Variants in SETD2 observed in about 807,000 individuals in gnomAD.
SETD2 encodes the protein histone-lysine N-methyltransferase SETD2.
A neutral mutation model predicts 242.1 loss-of-function variants in SETD2; 31 were observed. The observed-to-expected ratio is 0.13, with a 90% CI of 0.10 to 0.17. The LOEUF (loss-of-function observed/expected upper bound fraction) is 0.17. Among genes scored for constraint, SETD2 ranks in the 10% least tolerant of loss-of-function variants. SETD2 has a pLI of 1.00. For synonymous variants in SETD2, 1,006 were observed against 1,066.5 expected, an observed-to-expected ratio of 0.94 and a Z score of 1.11; for missense variants, 2,481 against 3,046.3, an observed-to-expected ratio of 0.81 and a Z score of 4.37.
At chr3:47,151,827 CA>C (rs11360089) in intron 1 of SETD2, among the ~76,000 whole-genome samples, 60,380 of 100,012 alleles carry the variant, frequency 0.6, 14,693 homozygotes, top group African/African-American at 0.66. Context: ...ACTCTTGTCT[CA>C]AAAAAAAAAA....
chr3:47,017,312 G>T lies in SETD2; in HGVS notation c.7534-58C>A. Reference sequence around the variant, plus strand: ...ACCAATCAGAGCAGAAATTATATGAGGGGGAGGACAGGGGTGGTAATCCAG... The same window carrying T: ...ACCAATCAGAGCAGAAATTATATGATGGGGAGGACAGGGGTGGTAATCCAG... On this transcript the variant is annotated intron_variant, in intron 20 of 20. Transcript: ENST00000409792. This position sits in a 1 kb window ranked among gnomAD's most constrained non-coding sequence, Gnocchi z 4.8. 2 of 1,586,554 alleles carry T rather than the reference G, an allele frequency of 1.3e-6. No homozygotes were observed. Among genetic ancestry groups the T allele is most frequent in the South Asian group, 1.1e-5 (1 of 89,338 alleles).
intron 12 of SETD2, among the ~76,000 whole-genome samples, chr3:47,073,490 T>C (rs940612514): frequency 6.6e-6 from 1 of 152,090 alleles, no homozygotes; most frequent in African/African-American, 2.4e-5. Flanking sequence ...ATACTATACA[T>C]GTCTGGAGGG....
chr3:47,127,445 A>G, intron 1 of SETD2: 2 of 270,956 alleles, frequency 7.4e-6, no homozygotes, highest in South Asian at 3.0e-5. Context: ...ACATAAAATA[A>G]GGCTGGGTGT....
In SETD2 at chr3:47,163,992, G is replaced by C. The variant is rs1398810277; in HGVS notation, c.-68C>G. On this transcript the variant is annotated 5_prime_UTR_variant, in exon 1 of 21. Coordinates refer to ENST00000409792, the MANE Select transcript of SETD2 (RefSeq NM_014159.7). Reference sequence around the variant, plus strand: ...CAGGGCGACGCGGGGGAGGGGAGGGGAGGAGGCCGCAGGTCCGACCGCGGC... The same window carrying C: ...CAGGGCGACGCGGGGGAGGGGAGGGCAGGAGGCCGCAGGTCCGACCGCGGC... 2 of 1,243,704 alleles carry C rather than the reference G, an allele frequency of 1.6e-6. No homozygotes were observed. The highest frequency in any genetic ancestry group is 2.0e-6 in the Non-Finnish European group (2 of 988,454). The allele number at this position is 1,243,704 out of a possible 1,614,324, so 77.0% of individuals were successfully genotyped here.
At chr3:47,099,427 T>G (rs1042643624) in intron 8 of SETD2, among the ~76,000 whole-genome samples, 1 of 152,214 alleles carries the variant, frequency 6.6e-6, no homozygotes, top group Admixed American at 6.5e-5. Context: ...GTATCTTGCA[T>G]AGGTCACTGG....
chr3:47,144,050 C>A (rs1235182409), intron 1 of SETD2, among the ~76,000 whole-genome samples: 1 of 152,170 alleles, frequency 6.6e-6, no homozygotes, highest in Non-Finnish European at 1.5e-5. Flanking sequence ...TGTCCCACAG[C>A]TCTAGCTGTC....
At chr3:47,112,494 C>G (rs1348112771) in intron 5 of SETD2, among the ~76,000 whole-genome samples, 3 of 152,154 alleles carry the variant, frequency 2.0e-5, no homozygotes, top group Non-Finnish European at 2.9e-5. Flanking sequence ...ATTGGCCAGG[C>G]TGGTCTTGAA....
At chr3:47,088,771 A>C (rs2041673666) in intron 9 of SETD2, among the ~76,000 whole-genome samples, 1 of 152,232 alleles carries the variant, frequency 6.6e-6, no homozygotes, top group African/African-American at 2.4e-5. Context: ...TCAGAAAAAA[A>C]TAAAGCATTA....
At chr3:47,102,577 G>A (rs1482864075) in intron 7 of SETD2, among the ~76,000 whole-genome samples, 1 of 152,116 alleles carries the variant, frequency 6.6e-6, no homozygotes, top group African/African-American at 2.4e-5. Context: ...GATCGCTTGA[G>A]GCCAGGAGTT....
intron 1 of SETD2, among the ~76,000 whole-genome samples, chr3:47,152,314 T>G (rs1023481589): frequency 2.6e-5 from 4 of 152,226 alleles, no homozygotes; most frequent in Non-Finnish European, 4.4e-5. Context: ...TAGCTTATGT[T>G]TTAGAGTTGA....
rs1027719770 is a variant in SETD2 at position 47,046,908 on chromosome 3, A to G, written c.6964-287T>C. The G allele has an allele frequency of 2.1e-5, 4 of 192,952 alleles. No individual in the cohort carries two copies. In the South Asian group the frequency reaches 5.2e-4, roughly 25 times the overall value. 12.0% of individuals were successfully genotyped at this position (192,952 alleles called of 1,614,324 possible). The stretch of plus-strand genomic sequence containing the variant: ...TTCTCCAACTGTTTAGCTTTCAATG[A>G]CATTGGAATGACATTGAAAATTAAA... On this transcript the variant is annotated intron_variant, in intron 15 of 20. Transcript: ENST00000409792.
At chr3:47,134,551 T>G (rs897445609) in intron 1 of SETD2, among the ~76,000 whole-genome samples, 4 of 151,896 alleles carry the variant, frequency 2.6e-5, no homozygotes, top group African/African-American at 9.7e-5. Context: ...CTACCAAGAG[T>G]GAGCTGGGCT....
At chr3:47,125,313 T>C (rs1043891143) in intron 2 of SETD2, among the ~76,000 whole-genome samples, 2 of 142,480 alleles carry the variant, frequency 1.4e-5, no homozygotes, top group African/African-American at 5.4e-5. Context: ...AGCGAGCCTC[T>C]GTCTCAAAAA....
At chr3:47,117,281 C>CAAAA (rs71615400) in intron 3 of SETD2, among the ~76,000 whole-genome samples, 5 of 53,574 alleles carry the variant, frequency 9.3e-5, no homozygotes, top group South Asian at 6.0e-4. Flanking sequence ...AAAAAAAAAA[C>CAAAA]AAACAAAAAA....
At chr3:47,102,197 CAT>C (rs759886212) in intron 7 of SETD2, among the ~76,000 whole-genome samples, 5 of 152,282 alleles carry the variant, frequency 3.3e-5, no homozygotes, top group African/African-American at 4.8e-5. Context: ...ACAATTTGCA[CAT>C]GTTACTAATG....
intron 5 of SETD2, among the ~76,000 whole-genome samples, chr3:47,112,890 A>C (rs1014826427): frequency 1.3e-5 from 2 of 152,072 alleles, no homozygotes; most frequent in Admixed American, 1.3e-4. Context: ...ATGCCCGGCC[A>C]AGAATACTTT....
intron 15 of SETD2, among the ~76,000 whole-genome samples, chr3:47,049,328 TA>T (rs1351908233): frequency 2.0e-4 from 4 of 20,282 alleles, no homozygotes; most frequent in African/African-American, 1.3e-3. Flanking sequence ...TATATATATA[TA>T]TATATATATA....
rs767535546 is a variant in SETD2, at chr3:47,121,930, C to G, written c.2706G>C (p.Glu902Asp). 3.1e-6 allele frequency: 5 copies of G among 1,613,764 alleles called. No individual in the cohort carries two copies. Among genetic ancestry groups the G allele is most frequent in the Non-Finnish European group, 3.4e-6 (4 of 1,179,928 alleles). ...VDSLTLLKCGENTSPVLDAVL... is the reference protein window; with the variant it reads ...VDSLTLLKCGDNTSPVLDAVL... ...CTGCATCCAGAACTGGAGATGTGTTCTCTCCGCATTTCAAGAGAGTTAGAC... is the reference window on the plus strand; with the variant it reads ...CTGCATCCAGAACTGGAGATGTGTTGTCTCCGCATTTCAAGAGAGTTAGAC... The change falls in exon 3 of 21, where the codon GAG becomes GAC. Residue 902 changes from glutamate (E) to aspartate (D), a missense_variant. Glu to Asp is a conservative substitution (Grantham distance 45). Transcript: ENST00000409792.
chr3:47,095,199 C>T (rs1329392127), intron 9 of SETD2, among the ~76,000 whole-genome samples: 1 of 151,994 alleles, frequency 6.6e-6, no homozygotes, highest in Non-Finnish European at 1.5e-5. Flanking sequence ...GCAGTGGTGC[C>T]ATCTCGGCTC....
Sources: allele counts gnomAD v4.1 joint callset (sites outside exome capture counted in the v4.1 genomes callset), GRCh38; gene constraint gnomAD v4.1.1; non-coding constraint Gnocchi (gnomAD v3.1); transcripts MANE v1.5; gene names NCBI Gene and HGNC (gene_info 2026-07-23, HGNC 2026-07-21).